The following GLG1 variants were observed in gnomAD, a reference collection of about 807,000 sequenced individuals.
The protein encoded by GLG1 is Golgi apparatus protein 1.
GLG1 carries 38 observed loss-of-function variants against 160.5 expected under a neutral mutation model. The observed-to-expected ratio is 0.24, with a 90% CI of 0.18 to 0.31. The LOEUF (loss-of-function observed/expected upper bound fraction) is 0.31, where lower values mean the gene tolerates loss of function less well. GLG1 is among the 10% of genes least tolerant of loss of function. The probability of loss-of-function intolerance (pLI) is 1.00; values close to 1 mark genes in which losing one functional copy is unlikely to be tolerated. For synonymous variants in GLG1, 644 were observed against 543.4 expected, an observed-to-expected ratio of 1.19 and a Z score of -2.57; for missense variants, 1,373 against 1,505.2, an observed-to-expected ratio of 0.91 and a Z score of 1.45.
At chr16:74,465,390 C>A (rs2014962712) in intron 19 of GLG1, among the ~76,000 whole-genome samples, 1 of 152,144 alleles carries the variant, frequency 6.6e-6, no homozygotes. Context: ...TGCCTCAGGT[C>A]AAAGTGAGGT....
intron 22 of GLG1, 48 bp from the exon 23 acceptor site, chr16:74,459,837 T>C: frequency 1.1e-6 from 1 of 923,188 alleles, no homozygotes; most frequent in South Asian, 1.5e-5. Context: ...AGCACAGAAA[T>C]GAACTGACAG....
intron 3 of GLG1, among the ~76,000 whole-genome samples, chr16:74,505,780 G>A (rs1016293797): frequency 4.6e-5 from 7 of 151,644 alleles, no homozygotes; most frequent in Non-Finnish European, 8.8e-5. Context: ...GCTAGAACCC[G>A]GCAGGCGGAG....
chr16:74,512,347 T>C (rs2016840065), intron 2 of GLG1, among the ~76,000 whole-genome samples: 3 of 149,392 alleles, frequency 2.0e-5, no homozygotes, highest in African/African-American at 7.4e-5. Context: ...CACTGCAACC[T>C]CCGCCCCCCG....
intron 4 of GLG1, among the ~76,000 whole-genome samples, chr16:74,498,910 G>A (rs1433541154): frequency 6.8e-6 from 1 of 147,510 alleles, no homozygotes; most frequent in Admixed American, 6.8e-5. Flanking sequence ...ACCAAGTAGC[G>A]TAACATCTAC....
At chr16:74,593,057 C>T (rs1447107231) in intron 1 of GLG1, among the ~76,000 whole-genome samples, 2 of 152,144 alleles carry the variant, frequency 1.3e-5, no homozygotes, top group African/African-American at 4.8e-5. Context: ...TCTTGCCCTT[C>T]CACATTCTGC....
chr16:74,460,543 T>TA (rs1223431941), intron 22 of GLG1, among the ~76,000 whole-genome samples: 2 of 152,246 alleles, frequency 1.3e-5, no homozygotes, highest in East Asian at 1.9e-4. Context: ...TTCACTGGCC[T>TA]ACTGCTGTTT....
chr16:74,598,643 A>C (rs896542012), intron 1 of GLG1, among the ~76,000 whole-genome samples: 1 of 152,074 alleles, frequency 6.6e-6, no homozygotes, highest in Non-Finnish European at 1.5e-5. Context: ...CTGTAATCCC[A>C]ACACTTTGGG....
intron 1 of GLG1, among the ~76,000 whole-genome samples, chr16:74,571,590 G>C (rs1389855496): frequency 6.6e-6 from 1 of 151,824 alleles, no homozygotes; most frequent in Non-Finnish European, 1.5e-5. Flanking sequence ...GGAGGCAGAG[G>C]CTGCAGAGAG....
chr16:74,605,266 G>C (rs1451152995), intron 1 of GLG1, among the ~76,000 whole-genome samples: 1 of 151,376 alleles, frequency 6.6e-6, no homozygotes, highest in Non-Finnish European at 1.5e-5. Flanking sequence ...CCTTTAAGTG[G>C]AGGTTTCCAA....
At chr16:74,472,492 G>C in intron 13 of GLG1, 81 bp from the exon 14 acceptor site, 1 of 1,347,254 alleles carries the variant, frequency 7.4e-7, no homozygotes, top group South Asian at 1.2e-5. Context: ...TTCTGAATCA[G>C]TAATATCTGA....
Position 74,584,741 on chromosome 16 carries a change from C to A in GLG1, c.438+21916G>T, listed in dbSNP as rs374840399. Among the ~76,000 whole-genome samples the A allele has an allele frequency of 3.3e-5, 5 of 151,906 alleles. No homozygotes were observed. In the East Asian group the frequency reaches 9.7e-4, roughly 29 times the overall value. ...GACTACCCTGGCCAACATGATGAAA[C>A]CCCATCTCTACTAAAAATACAAAAA... On this transcript the variant is annotated intron_variant, in intron 1 of 25. Coordinates refer to ENST00000422840, the MANE Select transcript of GLG1 (RefSeq NM_001145667.2).
intron 1 of GLG1, among the ~76,000 whole-genome samples, chr16:74,576,684 A>C (rs1467198451): frequency 2.0e-5 from 3 of 152,232 alleles, no homozygotes; most frequent in Admixed American, 6.5e-5. Flanking sequence ...TCATAAAATA[A>C]GGTTGCTGGA....
At chr16:74,537,935 G>T (rs1597323276) in intron 1 of GLG1, among the ~76,000 whole-genome samples, 1 of 152,238 alleles carries the variant, frequency 6.6e-6, no homozygotes, top group South Asian at 2.1e-4. Context: ...ATTTCCCCAA[G>T]GTGAACAGGC....
intron 15 of GLG1, 131 bp downstream of exon 15, chr16:74,471,042 C>A: frequency 1.4e-6 from 1 of 694,262 alleles, no homozygotes; most frequent in South Asian, 1.7e-5. Flanking sequence ...CAGGTGTGAG[C>A]CACCACGCCT....
chr16:74,585,548 T>C (rs1223518884), intron 1 of GLG1, among the ~76,000 whole-genome samples: 2 of 150,738 alleles, frequency 1.3e-5, no homozygotes, highest in South Asian at 2.1e-4. Flanking sequence ...GTACTAAAAC[T>C]ACAAAAAAAA....
At chr16:74,528,155 C>T (rs2017400851) in intron 2 of GLG1, among the ~76,000 whole-genome samples, 1 of 152,192 alleles carries the variant, frequency 6.6e-6, no homozygotes, top group East Asian at 1.9e-4. Flanking sequence ...GCGTGAGCCA[C>T]AAAACCTGGC....
At chr16:74,595,876 C>G (rs1958288356) in intron 1 of GLG1, among the ~76,000 whole-genome samples, 1 of 152,166 alleles carries the variant, frequency 6.6e-6, no homozygotes, top group Non-Finnish European at 1.5e-5. Context: ...GTAATCCCAG[C>G]ACTTTGGGAG....
intron 1 of GLG1, among the ~76,000 whole-genome samples, chr16:74,561,474 C>G (rs2018512568): frequency 6.6e-6 from 1 of 152,154 alleles, no homozygotes; most frequent in Admixed American, 6.6e-5. Context: ...TAACTTTAGG[C>G]TCATCTAATT....
chr16:74,601,070 T>A (rs567133432), intron 1 of GLG1, among the ~76,000 whole-genome samples: 1 of 152,230 alleles, frequency 6.6e-6, no homozygotes, highest in Non-Finnish European at 1.5e-5. Flanking sequence ...GGAAATTCCA[T>A]ATTGGCTCAA....
Sources: allele counts gnomAD v4.1 joint callset (sites outside exome capture counted in the v4.1 genomes callset), GRCh38; gene constraint gnomAD v4.1.1; transcripts MANE v1.5; gene names NCBI Gene and HGNC (gene_info 2026-07-23, HGNC 2026-07-21).